Variants in SGCZ observed in about 807,000 individuals in gnomAD.
SGCZ encodes sarcoglycan zeta, also known as zeta-sarcoglycan.
In SGCZ, 40 loss-of-function variants were observed where a neutral mutation model predicts 41.3. That is an observed-to-expected ratio of 0.97 (90% CI 0.75 to 1.26). The LOEUF (loss-of-function observed/expected upper bound fraction) is 1.26, where lower values mean the gene tolerates loss of function less well. Ranked by LOEUF, SGCZ falls within the 50% of genes most tolerant of loss-of-function variation. The pLI is 0.00. For synonymous variants in SGCZ, 206 were observed against 137.5 expected (o/e 1.50, Z -3.49); for missense variants, 552 against 369.8 (o/e 1.49, Z -4.04).
At chr8:15,170,386 C>G (rs1282405653) in intron 1 of SGCZ, among the ~76,000 whole-genome samples, 1 of 152,174 alleles carries the variant, frequency 6.6e-6, no homozygotes, top group Non-Finnish European at 1.5e-5. Context: ...GGAAAAAGCA[C>G]AATTTCCCAG....
intron 1 of SGCZ, among the ~76,000 whole-genome samples, chr8:14,666,239 G>A (rs573819521): frequency 6.6e-6 from 1 of 152,122 alleles, no homozygotes. Context: ...GGCATAAAAG[G>A]AATGCTGGCA....
intron 7 of SGCZ, among the ~76,000 whole-genome samples, chr8:14,100,598 T>A (rs1563126059): frequency 4.3e-5 from 6 of 138,714 alleles, no homozygotes; most frequent in Middle Eastern, 4.1e-3. Flanking sequence ...TATTATATTT[T>A]ATTAATTTAT....
intron 1 of SGCZ, among the ~76,000 whole-genome samples, chr8:14,695,381 A>C (rs1206667938): frequency 6.6e-6 from 1 of 152,160 alleles, no homozygotes; most frequent in Non-Finnish European, 1.5e-5. Context: ...AGTAATATTA[A>C]ATGCATGTAA....
At chr8:15,018,524 T>A (rs1803128152) in intron 1 of SGCZ, among the ~76,000 whole-genome samples, 1 of 151,924 alleles carries the variant, frequency 6.6e-6, no homozygotes, top group Non-Finnish European at 1.5e-5. Context: ...CTACGTCTGG[T>A]GGAGGAGCAG....
At chr8:14,800,953 G>C (rs1462491393) in intron 1 of SGCZ, among the ~76,000 whole-genome samples, 1 of 152,130 alleles carries the variant, frequency 6.6e-6, no homozygotes, top group African/African-American at 2.4e-5. Context: ...GCACATGTTA[G>C]TATTTTAAAC....
rs34287378 is a variant in SGCZ at position 14,595,400 on chromosome 8, A to AACACACACACACAC, written c.40-40488_40-40475dup. Among the ~76,000 whole-genome samples the AACACACACACACAC allele has an allele frequency of 5.0e-4, 68 of 136,380 alleles. 1 individual carries two copies. Among genetic ancestry groups the AACACACACACACAC allele is most frequent in the Admixed American group, 1.2e-3 (16 of 13,556 alleles). 89.5% of individuals were successfully genotyped at this position (136,380 alleles called of 152,430 possible). A position where few individuals can be genotyped will look rare whatever the true frequency, so the allele number is the denominator to read the frequency against. ...TATATATAAATGCCTAACATGCACAAACACACACACACACACACACACACA... is the reference window on the plus strand; with the variant it reads ...TATATATAAATGCCTAACATGCACAAACACACACACACACACACACACACACACACACACACACA... On this transcript the variant is annotated intron_variant, in intron 1 of 7. Transcript: ENST00000382080.
intron 2 of SGCZ, among the ~76,000 whole-genome samples, chr8:14,460,734 T>C (rs1800879015): frequency 6.6e-6 from 1 of 152,190 alleles, no homozygotes; most frequent in South Asian, 2.1e-4. Context: ...TGTGTAGTGT[T>C]TCAAAAGGTA....
chr8:14,939,517 G>C (rs1458903063), intron 1 of SGCZ, among the ~76,000 whole-genome samples: 1 of 152,018 alleles, frequency 6.6e-6, no homozygotes, highest in African/African-American at 2.4e-5. Context: ...GTATGAGGAT[G>C]GTTAAATTAA....
At chr8:14,847,333 C>G (rs561126006) in intron 1 of SGCZ, among the ~76,000 whole-genome samples, 115 of 152,044 alleles carry the variant, frequency 7.6e-4, no homozygotes, top group African/African-American at 1.9e-3. Flanking sequence ...AGTTTGTGGA[C>G]CAATATCCCT....
intron 1 of SGCZ, among the ~76,000 whole-genome samples, chr8:15,105,595 C>A (rs144861683): frequency 3.3e-5 from 5 of 152,194 alleles, no homozygotes; most frequent in African/African-American, 1.2e-4. Context: ...AAGTCTGCCC[C>A]ATGATTCAAT....
chr8:14,810,340 A>T (rs916583350), intron 1 of SGCZ, among the ~76,000 whole-genome samples: 18 of 152,056 alleles, frequency 1.2e-4, no homozygotes, highest in African/African-American at 4.3e-4. Context: ...AAGCAATGAG[A>T]AAGATCATAT....
intron 1 of SGCZ, among the ~76,000 whole-genome samples, chr8:15,178,820 G>T (rs1197121450): frequency 6.6e-6 from 1 of 152,058 alleles, no homozygotes; most frequent in African/African-American, 2.4e-5. Flanking sequence ...CTAGACGAAG[G>T]CAAACAAGTT....
chr8:14,132,891 T>C (rs1803084861), intron 5 of SGCZ, among the ~76,000 whole-genome samples: 2 of 152,188 alleles, frequency 1.3e-5, no homozygotes, highest in African/African-American at 4.8e-5. Context: ...TTAGTGACTT[T>C]TGTTAACTTT....
chr8:14,567,721 T>G (rs1378077252), intron 1 of SGCZ, among the ~76,000 whole-genome samples: 1 of 152,150 alleles, frequency 6.6e-6, no homozygotes. Context: ...CTTTATGAGC[T>G]GTAACACTCA....
rs564588513 is a variant in SGCZ, at chr8:14,206,654, GATTT to G, written c.424+30934_424+30937del. Among the ~76,000 whole-genome samples, 635 of 152,282 alleles carry G rather than the reference GATTT, an allele frequency of 4.2e-3. 7 individuals carry two copies. The highest frequency in any genetic ancestry group is 7.6e-3 in the Non-Finnish European group (517 of 68,012). On this transcript the variant is annotated intron_variant, in intron 4 of 7. Transcript: ENST00000382080. Reference sequence around the variant, plus strand: ...TATAGAACGATGTTCACTAGAAACAGATTTATTCTGTTTATATAACAAGCAGTTA... The same window carrying G: ...TATAGAACGATGTTCACTAGAAACAGATTCTGTTTATATAACAAGCAGTTA...
At chr8:14,517,721 A>G in intron 2 of SGCZ, among the ~76,000 whole-genome samples, 1 of 151,968 alleles carries the variant, frequency 6.6e-6, no homozygotes, top group East Asian at 1.9e-4. Flanking sequence ...TTGCTTGATA[A>G]TATTTTCAAT....
At chr8:14,166,306 T>C (rs1288837290) in intron 4 of SGCZ, among the ~76,000 whole-genome samples, 3 of 152,204 alleles carry the variant, frequency 2.0e-5, no homozygotes, top group African/African-American at 7.2e-5. Flanking sequence ...GTCATAGTTG[T>C]TGCATTTGAT....
chr8:15,229,123 C>G (rs1448231251), intron 1 of SGCZ, among the ~76,000 whole-genome samples: 1 of 151,962 alleles, frequency 6.6e-6, no homozygotes, highest in African/African-American at 2.4e-5. Flanking sequence ...ACCCAGGAGG[C>G]AGAGGTTGTA....
At chr8:14,607,200 A>G (rs1031679646) in intron 1 of SGCZ, among the ~76,000 whole-genome samples, 1 of 152,190 alleles carries the variant, frequency 6.6e-6, no homozygotes. Flanking sequence ...ACAAAACAAC[A>G]GACATATACT....
Sources: gnomAD v4.1 joint callset for allele counts (sites outside exome capture counted in the v4.1 genomes callset) on GRCh38, gnomAD v4.1.1 for gene constraint, MANE v1.5 for transcripts, NCBI Gene and HGNC (gene_info 2026-07-23, HGNC 2026-07-21) for gene names.